The following UBR2 variants were observed in gnomAD, a reference collection of about 807,000 sequenced individuals.
UBR2 encodes E3 ubiquitin-protein ligase UBR2.
Under a neutral mutation model 247.9 loss-of-function variants are expected in UBR2, and 92 were observed. That is an observed-to-expected ratio of 0.37 (90% confidence interval 0.31 to 0.44). UBR2 has a LOEUF of 0.44. UBR2 is among the 20% of genes least tolerant of loss of function. The pLI is 1.00. For missense variants in UBR2, 1,613 were observed against 2,112.6 expected, an observed-to-expected ratio of 0.76 and a Z score of 4.64; for synonymous variants, 672 against 693.5, an observed-to-expected ratio of 0.97 and a Z score of 0.49.
intron 11 of UBR2, chr6:42,619,932 G>C: frequency 1.2e-6 from 1 of 862,366 alleles, no homozygotes; most frequent in Non-Finnish European, 1.4e-6. Context: ...TTTTGATGCT[G>C]TAGTAAACTT....
At chr6:42,616,206 A>C in intron 10 of UBR2, 116 bp downstream of exon 10, 1 of 605,310 alleles carries the variant, frequency 1.7e-6, no homozygotes, top group Non-Finnish European at 2.7e-6. Flanking sequence ...GTTGATATTA[A>C]ATTCTAAGAA....
Position 42,674,108 on chromosome 6 carries a change from T to G in UBR2, c.4184-18T>G. 1 of 1,609,128 alleles carries G rather than the reference T, an allele frequency of 6.2e-7. No individual in the cohort carries two copies. ...TGGCATATGAAATATGCTAATGTAT[T>G]TCTCTTTAAATCTGTAGCACTGGTG... On this transcript the variant is annotated intron_variant, in intron 37 of 46. Transcript: ENST00000372901.
chr6:42,621,493 ATTG>A (rs1794994429), intron 11 of UBR2, among the ~76,000 whole-genome samples: 1 of 151,098 alleles, frequency 6.6e-6, no homozygotes, highest in East Asian at 1.9e-4. Context: ...ATGGAGTTTC[ATTG>A]TTGTTGCCCA....
chr6:42,689,783 TG>T lies in UBR2; in HGVS notation c.5126+114del. ...TTCTGGAAGAGGTGGCTGTGTTATC[TG>T]TGGAGTCTTCCAAGGAGGGTGCCCT... On this transcript the variant is annotated intron_variant, in intron 46 of 46. Coordinates refer to ENST00000372901, the MANE Select transcript of UBR2 (RefSeq NM_001363705.2). This position sits in a 1 kb window ranked among gnomAD's most constrained non-coding sequence, Gnocchi z 4.0. 1.1e-6 allele frequency: 1 copy of T among 932,356 alleles called. No individual in the cohort carries two copies. Among genetic ancestry groups the T allele is most frequent in the Admixed American group, 1.9e-5 (1 of 52,178 alleles). The allele number at this position is 932,356 out of a possible 1,614,324, so 57.8% of individuals were successfully genotyped here.
intron 4 of UBR2, among the ~76,000 whole-genome samples, chr6:42,600,422 A>G (rs1240221780): frequency 6.6e-6 from 1 of 152,156 alleles, no homozygotes; most frequent in Non-Finnish European, 1.5e-5. Context: ...ATGCTATGAA[A>G]AGGGCAATCT....
intron 26 of UBR2, 74 bp from the exon 27 acceptor site, chr6:42,657,950 A>G: frequency 8.9e-7 from 1 of 1,119,040 alleles, no homozygotes; most frequent in Non-Finnish European, 1.3e-6. Context: ...AACTGCATTT[A>G]TGTTCCTGTG....
intron 26 of UBR2, among the ~76,000 whole-genome samples, chr6:42,656,503 A>T (rs1371632069): frequency 6.6e-6 from 1 of 152,198 alleles, no homozygotes; most frequent in Non-Finnish European, 1.5e-5. Context: ...GCCCAAGCTC[A>T]TCTTGTACTT....
Position 42,666,211 on chromosome 6 carries a change from C to T in UBR2, c.3847C>T (p.Leu1283Phe), listed in dbSNP as rs1798099195. ...KNSENVDELQ[L>F]PEGFRPDFRP... is the part of the protein sequence containing the mutation. ...TTCAGAAAATGTGGATGAATTACAG[C>T]TCCCTGAAGGGTTCAGGCCTGATTT... is the stretch of plus-strand genomic sequence containing the variant. The change falls in exon 34 of 47, where the codon CTC (leucine) becomes TTC (phenylalanine). Residue 1283 changes from leucine (L) to phenylalanine (F), a missense_variant. By Grantham distance (22) the Leu-to-Phe change is conservative. Transcript: ENST00000372901. 9.3e-6 allele frequency: 15 copies of T among 1,612,764 alleles called. No individual in the cohort carries two copies. The highest frequency in any genetic ancestry group is 1.3e-5 in the Non-Finnish European group (15 of 1,179,366).
chr6:42,675,312 A>G (rs1244386989), intron 38 of UBR2, among the ~76,000 whole-genome samples: 1 of 152,154 alleles, frequency 6.6e-6, no homozygotes, highest in Non-Finnish European at 1.5e-5. Context: ...CATGTAACAT[A>G]TTGTCTTTAG....
chr6:42,592,890 C>T (rs993895129), intron 3 of UBR2, among the ~76,000 whole-genome samples: 17 of 152,174 alleles, frequency 1.1e-4, no homozygotes, highest in African/African-American at 2.9e-4. Context: ...AAAACAGCTA[C>T]GGGGCCGGGC....
At chr6:42,594,892 G>A (rs1792873185) in intron 4 of UBR2, among the ~76,000 whole-genome samples, 1 of 152,086 alleles carries the variant, frequency 6.6e-6, no homozygotes. Flanking sequence ...AATCTCTGCT[G>A]CTTTTTTTAA....
At chr6:42,644,449 T>G in intron 19 of UBR2, 24 bp from the exon 20 acceptor site, 1 of 1,609,068 alleles carries the variant, frequency 6.2e-7, no homozygotes. Context: ...ATCTCTGAAC[T>G]TTATCTTCCC....
chr6:42,649,418 C>T (rs1796980582), intron 22 of UBR2, among the ~76,000 whole-genome samples: 1 of 152,130 alleles, frequency 6.6e-6, no homozygotes, highest in African/African-American at 2.4e-5. Flanking sequence ...CTTGTACATA[C>T]AGCATTAACA....
intron 44 of UBR2, among the ~76,000 whole-genome samples, chr6:42,687,065 T>A (rs1799463926): frequency 6.6e-6 from 1 of 152,078 alleles, no homozygotes; most frequent in African/African-American, 2.4e-5. Context: ...GAGACGCTCG[T>A]CACTTCCTAG....
At chr6:42,591,423 G>C (rs906928080) in intron 2 of UBR2, among the ~76,000 whole-genome samples, 2 of 152,182 alleles carry the variant, frequency 1.3e-5, no homozygotes, top group African/African-American at 4.8e-5. Context: ...TCATGGAATT[G>C]TCTAGATTCT....
rs35743763 is a variant in UBR2, at chr6:42,611,914, G to GAAA, written c.865-243_865-241dup. The stretch of plus-strand genomic sequence containing the variant: ...AGAGCGAGACTCCACCTCAAAAAAA[G>GAAA]AAAAAAAAAAAAAAAAGATTCAGAT... On this transcript the variant is annotated intron_variant, in intron 7 of 46. Coordinates refer to ENST00000372901, the MANE Select transcript of UBR2 (RefSeq NM_001363705.2). Among the ~76,000 whole-genome samples the GAAA allele has an allele frequency of 7.1e-3, 850 of 119,500 alleles. 7 individuals are homozygous for GAAA. Among genetic ancestry groups the GAAA allele is most frequent in the Middle Eastern group, 0.013 (3 of 228 alleles). The allele number at this position is 119,500 out of a possible 152,430, so 78.4% of individuals were successfully genotyped here.
chr6:42,622,615 A>T (rs1041058973), intron 11 of UBR2, among the ~76,000 whole-genome samples: 21 of 146,984 alleles, frequency 1.4e-4, no homozygotes, highest in African/African-American at 4.8e-4. Flanking sequence ...TGTTAGCCAG[A>T]CTGGTCTCAA....
intron 33 of UBR2, among the ~76,000 whole-genome samples, 174 bp from the exon 34 acceptor site, chr6:42,665,993 G>A (rs941508460): frequency 1.3e-5 from 2 of 152,168 alleles, no homozygotes; most frequent in Admixed American, 6.5e-5. Flanking sequence ...GCATAGTTAA[G>A]AAAGGGCCTT....
At chr6:42,625,754 A>T (rs548972937) in intron 11 of UBR2, among the ~76,000 whole-genome samples, 2 of 149,664 alleles carry the variant, frequency 1.3e-5, no homozygotes, top group African/African-American at 4.9e-5. Flanking sequence ...CAGCCTAGAG[A>T]TGTATGTGTT....
Sources: allele counts gnomAD v4.1 joint callset (sites outside exome capture counted in the v4.1 genomes callset), GRCh38; gene constraint gnomAD v4.1.1; non-coding constraint Gnocchi (gnomAD v3.1); transcripts MANE v1.5; gene names NCBI Gene and HGNC (gene_info 2026-07-23, HGNC 2026-07-21).